Variants in TUBB8B observed in about 807,000 individuals in gnomAD.
TUBB8B encodes the protein HSA18p11 beta-tubulin 4Q pseudogene.
TUBB8B carries 26 observed loss-of-function variants against 31.9 expected under a neutral mutation model. The ratio of observed to expected loss-of-function variants is 0.81; its 90% confidence interval spans 0.60 to 1.13. The LOEUF (loss-of-function observed/expected upper bound fraction) is 1.13. Ranked by LOEUF, TUBB8B falls within the 50% of genes most tolerant of loss-of-function variation. The probability of loss-of-function intolerance (pLI) is 0.00; values close to 1 mark genes in which losing one functional copy is unlikely to be tolerated. For synonymous variants in TUBB8B, 173 were observed against 231.0 expected (o/e 0.75, Z 2.28); for missense variants, 467 against 586.7 (o/e 0.80, Z 2.11).
At chr18:54,455 G>A (rs908035577), upstream of TUBB8B, among the ~76,000 whole-genome samples, 13 of 151,472 alleles carry the variant, frequency 8.6e-5, no homozygotes, top group African/African-American at 3.2e-4. Context: ...TCACCCTGTT[G>A]TGCTATCAAA....
chr18:53,348 C>G (rs1370250961), upstream of TUBB8B, among the ~76,000 whole-genome samples: 7 of 151,796 alleles, frequency 4.6e-5, no homozygotes. Flanking sequence ...TGAAATTAGT[C>G]CTCAAAGATT....
the TUBB8B span, among the ~76,000 whole-genome samples, chr18:64,097 C>A: frequency 6.6e-6 from 1 of 152,160 alleles, no homozygotes; most frequent in East Asian, 1.9e-4. Context: ...TAACCCTCAC[C>A]CTCACCCTAA....
the TUBB8B span, among the ~76,000 whole-genome samples, chr18:60,596 T>A: frequency 6.6e-6 from 1 of 151,822 alleles, no homozygotes. Context: ...CACTTACAGT[T>A]ATAAATTTTC....
At chr18:72,196 A>AAAAAAAAAAAAAAAAAAACAC in the TUBB8B span, among the ~76,000 whole-genome samples, 1 of 84,536 alleles carries the variant, frequency 1.2e-5, no homozygotes, top group East Asian at 1.2e-3. Context: ...AAAAAAAAAA[A>AAAAAAAAAAAAAAAAAAACAC]AAAGGAAAAA....
the TUBB8B span, among the ~76,000 whole-genome samples, chr18:58,240 T>G: frequency 6.6e-6 from 1 of 151,794 alleles, no homozygotes; most frequent in African/African-American, 2.4e-5. Flanking sequence ...AAAAGCTTTT[T>G]ATTTTTCTGC....
chr18:63,158 G>T, the TUBB8B span, among the ~76,000 whole-genome samples: 3 of 151,584 alleles, frequency 2.0e-5, no homozygotes, highest in Non-Finnish European at 4.4e-5. Context: ...GTTTGGTGAG[G>T]TCATGTTTTC....
upstream of TUBB8B, chr18:50,632 G>A (rs76893502): frequency 2.7e-5 from 4 of 150,566 alleles, no homozygotes; most frequent in South Asian, 2.1e-4. Flanking sequence ...TTATACTCCT[G>A]TGATTGGTAC....
At chr18:55,321 GA>G in the TUBB8B span, among the ~76,000 whole-genome samples, 3 of 151,716 alleles carry the variant, frequency 2.0e-5, no homozygotes, top group Non-Finnish European at 4.4e-5. Flanking sequence ...GGCTGGTCTT[GA>G]ACTCCTGACC....
At chr18:72,196 A>AAAAAAAAAAAAAAAAAAC in the TUBB8B span, among the ~76,000 whole-genome samples, 160 of 84,438 alleles carry the variant, frequency 1.9e-3, 5 homozygotes, top group East Asian at 6.1e-3. Flanking sequence ...AAAAAAAAAA[A>AAAAAAAAAAAAAAAAAAC]AAAGGAAAAA....
the TUBB8B span, among the ~76,000 whole-genome samples, chr18:63,163 G>A: frequency 3.2e-4 from 49 of 151,668 alleles, no homozygotes; most frequent in African/African-American, 1.2e-3. Flanking sequence ...GTGAGGTCAT[G>A]TTTTCCTGGA....
the TUBB8B span, among the ~76,000 whole-genome samples, chr18:63,473 G>C: frequency 2.0e-5 from 3 of 151,102 alleles, 1 homozygote; most frequent in African/African-American, 7.3e-5. Flanking sequence ...GCCATGTGGA[G>C]CTGGAGTTGG....
chr18:62,421 A>AT, the TUBB8B span, among the ~76,000 whole-genome samples: 4 of 122,644 alleles, frequency 3.3e-5, no homozygotes, highest in Middle Eastern at 3.8e-3. Context: ...ATAAATGTTT[A>AT]ATTTTTTTTT....
upstream of TUBB8B, among the ~76,000 whole-genome samples, chr18:54,227 G>A (rs1253534960): frequency 6.6e-6 from 1 of 151,538 alleles, no homozygotes; most frequent in Non-Finnish European, 1.5e-5. Flanking sequence ...TCCTCCCTTT[G>A]GTTTTAATTG....
At chr18:69,354 C>T in the TUBB8B span, among the ~76,000 whole-genome samples, 5 of 152,292 alleles carry the variant, frequency 3.3e-5, no homozygotes, top group South Asian at 1.0e-3. Flanking sequence ...GTCCCAGCTA[C>T]TCGGGAGGCT....
the TUBB8B span, among the ~76,000 whole-genome samples, chr18:57,745 G>C: frequency 6.6e-6 from 1 of 151,924 alleles, no homozygotes; most frequent in Non-Finnish European, 1.5e-5. Flanking sequence ...CATTGTTTTA[G>C]TAGAGGTTCT....
In TUBB8B at chr18:47,869, C is replaced by G; in HGVS notation, c.856G>C (p.Val286Leu). The G allele has an allele frequency of 6.2e-7, 1 of 1,611,072 alleles. No individual in the cohort carries two copies. The highest frequency in any genetic ancestry group is 8.5e-7 in the Non-Finnish European group (1 of 1,179,334). The part of the protein sequence containing the change: ...RGSQQYRALT[V>L]AELTQQMFDA... ...AACATCTGCTGGGTGAGCTCAGCCA[C>G]AGTCAAGGCCCGGTACTGCTGGCTG... The change falls in exon 4 of 4, where the codon GTG becomes CTG. Residue 286 changes from valine (V) to leucine (L), a missense_variant. Coordinates refer to ENST00000308911, the MANE Select transcript of TUBB8B (RefSeq NM_001358689.2).
chr18:63,819 C>T, the TUBB8B span, among the ~76,000 whole-genome samples: 2 of 149,584 alleles, frequency 1.3e-5, no homozygotes, highest in African/African-American at 2.5e-5. Flanking sequence ...ACCCCTAACC[C>T]TAACCCTAAC....
At chr18:53,080 G>A (rs530938610), upstream of TUBB8B, among the ~76,000 whole-genome samples, 209 of 151,796 alleles carry the variant, frequency 1.4e-3, 1 homozygote, top group African/African-American at 4.5e-3. Context: ...TAAATATTCT[G>A]CAGTTGTAAT....
the TUBB8B span, among the ~76,000 whole-genome samples, chr18:71,568 T>TAAA: frequency 2.8e-3 from 223 of 78,474 alleles, 3 homozygotes; most frequent in African/African-American, 8.5e-3. Context: ...AAAAAAAAAT[T>TAAA]TAAAAAAAAA....
Sources: allele counts gnomAD v4.1 joint callset (sites outside exome capture counted in the v4.1 genomes callset), GRCh38; gene constraint gnomAD v4.1.1; transcripts MANE v1.5; gene names NCBI Gene and HGNC (gene_info 2026-07-23, HGNC 2026-07-21).